KLHL33: variants seen among roughly 807,000 people sequenced by gnomAD.
KLHL33 encodes kelch like family member 33, also known as kelch-like protein 33.
A neutral mutation model predicts 60.8 loss-of-function variants in KLHL33; 46 were observed. The observed-to-expected ratio is 0.76, with a 90% CI of 0.60 to 0.97. KLHL33 has a LOEUF of 0.97. Ranked by LOEUF, KLHL33 falls within the 50% of genes least tolerant of loss-of-function variation. The pLI is 0.00. For missense variants in KLHL33, 1,055 were observed against 1,000.0 expected, an observed-to-expected ratio of 1.05 and a Z score of -0.74; for synonymous variants, 434 against 432.2, an observed-to-expected ratio of 1.00 and a Z score of -0.05.
chr14:20,431,678 G>C (rs1356689253), intron 2 of KLHL33, among the ~76,000 whole-genome samples: 1 of 152,250 alleles, frequency 6.6e-6, no homozygotes, highest in Non-Finnish European at 1.5e-5. Context: ...AATGAGCTGA[G>C]ACTGCGCCGC....
Position 20,427,565 on chromosome 14 carries a change from C to T in KLHL33, c.*1284G>A, listed in dbSNP as rs540568315. 6.6e-6 allele frequency: 1 copy of T among 152,344 alleles called. No homozygotes were observed. Among genetic ancestry groups the T allele is most frequent in the East Asian group, 1.9e-4 (1 of 5,180 alleles). The allele number at this position is 152,344 out of a possible 1,614,324, so 9.4% of individuals were successfully genotyped here. ...TTTAAGATCCAGTTCAAAATACACC[C>T]ATCGGATGACACCTTTCCTAACAGA... On this transcript the variant is annotated 3_prime_UTR_variant, in exon 5 of 5. Transcript: ENST00000636854.
intron 2 of KLHL33, 35 bp from the exon 3 acceptor site, chr14:20,430,754 A>G: frequency 7.0e-7 from 1 of 1,419,094 alleles, no homozygotes; most frequent in South Asian, 1.4e-5. Context: ...GGAGGACTCA[A>G]AGTATTGCAA....
intron 2 of KLHL33, among the ~76,000 whole-genome samples, chr14:20,432,959 A>AAAGAAAGAAAGAAAGAAAG (rs1880563514): frequency 6.6e-6 from 1 of 151,572 alleles, no homozygotes; most frequent in Non-Finnish European, 1.5e-5. Flanking sequence ...AGAAAGAAAG[A>AAAGAAAGAAAGAAAGAAAG]AAGAAAGAAA....
rs1340294042 is a variant in KLHL33, at chr14:20,429,922, G to GC, written c.1545dup (p.Gln516AlafsTer22). ...CCGGGGGCAGGCAGGGCAGGCAGCTGCCCCCACTCAACAGTTCGTACCAGT... is the reference window on the plus strand; with the variant it reads ...CCGGGGGCAGGCAGGGCAGGCAGCTGCCCCCCACTCAACAGTTCGTACCAGT... On this transcript the variant is annotated frameshift_variant, in exon 3 of 5. Coordinates refer to ENST00000636854, the MANE Select transcript of KLHL33 (RefSeq NM_001365790.2). LOFTEE classifies it high-confidence loss of function. The GC allele has an allele frequency of 6.4e-7, 1 of 1,551,752 alleles. No homozygotes were observed. Among genetic ancestry groups the GC allele is most frequent in the Non-Finnish European group, 8.7e-7 (1 of 1,147,022 alleles).
At chr14:20,429,714 C>T (rs1055015362) in intron 3 of KLHL33, 45 bp from the exon 4 acceptor site, 17 of 1,538,476 alleles carry the variant, frequency 1.1e-5, no homozygotes, top group African/African-American at 2.8e-5. Context: ...CTCTGGGCAT[C>T]CGTGGTTGGC....
chr14:20,435,267 A>G lies in KLHL33; in HGVS notation c.545T>C (p.Leu182Pro), dbSNP rs966619489. 8.1e-7 allele frequency: 1 copy of G among 1,234,420 alleles called. No individual in the cohort carries two copies. Among genetic ancestry groups the G allele is most frequent in the Non-Finnish European group, 1.0e-6 (1 of 988,204 alleles). The allele number at this position is 1,234,420 out of a possible 1,614,324, so 76.5% of individuals were successfully genotyped here. A position where few individuals can be genotyped will look rare whatever the true frequency, so the allele number is the denominator to read the frequency against. ...CGCTCCCAGCGCCTCTGCTGCGGCC[A>G]GCACATCCCCCTGCGAGGCGGGGCC... ...VLGPASQGDV[L>P]AAAEALGAPR... Residue 182 changes from leucine to proline, a missense_variant, in exon 2 of 5, where the codon CTG becomes CCG. Leu to Pro is a moderately conservative substitution (Grantham distance 98). Coordinates refer to ENST00000636854, the MANE Select transcript of KLHL33 (RefSeq NM_001365790.2).
intron 2 of KLHL33, 85 bp from the exon 3 acceptor site, chr14:20,430,804 G>T (rs929745014): frequency 1.2e-6 from 1 of 835,574 alleles, no homozygotes; most frequent in Non-Finnish European, 1.7e-6. Flanking sequence ...TCTAAGTTTG[G>T]CCAAACTCTA....
At position 20,430,388 on chromosome 14, in the gene KLHL33, G is replaced by C. The variant is rs75780368; in HGVS notation, c.1080C>G (p.His360Gln). The C allele has an allele frequency of 1.3e-6, 2 of 1,551,714 alleles. No homozygotes were observed. The highest frequency in any genetic ancestry group is 3.9e-5 in the Admixed American group (2 of 50,992). Reference sequence around the variant, plus strand: ...CAGCAGGCAGGTGGGTGAGGAGGTAGTGACGGGCTTTGCTCCAGAGCCTCT... The same window carrying C: ...CAGCAGGCAGGTGGGTGAGGAGGTACTGACGGGCTTTGCTCCAGAGCCTCT... ...GLERLWSKAR[H>Q]YLLTHLPAVA... Residue 360 changes from histidine to glutamine, a missense_variant, in exon 3 of 5, where the codon CAC becomes CAG. Transcript: ENST00000636854.
At chr14:20,431,221 A>AT (rs1330019986) in intron 2 of KLHL33, among the ~76,000 whole-genome samples, 1 of 152,150 alleles carries the variant, frequency 6.6e-6, no homozygotes, top group Non-Finnish European at 1.5e-5. Context: ...ATTCTGTTAG[A>AT]TTTTGCTGGG....
chr14:20,430,792 A>ACTCTAAGTTTGGCCAAC, intron 2 of KLHL33, 73 bp from the exon 3 acceptor site: 3 of 878,264 alleles, frequency 3.4e-6, no homozygotes, highest in Non-Finnish European at 3.0e-6. Flanking sequence ...CCAACTTGGT[A>ACTCTAAGTTTGGCCAAC]CTCTAAGTTT....
Position 20,435,111 on chromosome 14 carries a change from C to A in KLHL33, c.701G>T (p.Gly234Val), listed in dbSNP as rs747957239. The A allele has an allele frequency of 7.1e-5, 88 of 1,234,396 alleles. No homozygotes were observed. Among genetic ancestry groups the A allele is most frequent in the Middle Eastern group, 2.1e-4 (1 of 4,864 alleles). 76.5% of individuals were successfully genotyped at this position (1,234,396 alleles called of 1,614,324 possible). The change falls in exon 2 of 5, where the codon GGC becomes GTC. Residue 234 changes from glycine (G) to valine (V), a missense_variant. Transcript: ENST00000636854. ...CTCCAGCTTCAAGTCACACCCGACG[C>A]CCTCTCGGTAGAGGAGCTCGATTCC... is the stretch of plus-strand genomic sequence containing the variant. ...LRGIELLYRE[G>V]VGCDLKLEAG...
intron 4 of KLHL33, 25 bp from the exon 5 acceptor site, chr14:20,429,426 A>G (rs1323730705): frequency 6.5e-7 from 1 of 1,550,192 alleles, no homozygotes; most frequent in Non-Finnish European, 8.7e-7. Flanking sequence ...GACACAAGAT[A>G]AGGCAACTAG....
In KLHL33 at chr14:20,429,898, C is replaced by T. The variant is rs561784003; in HGVS notation, c.1570G>A (p.Gly524Arg). 15 of 1,551,908 alleles carry T rather than the reference C, an allele frequency of 9.7e-6. No homozygotes were observed. The highest frequency in any genetic ancestry group is 4.1e-5 in the African/African-American group (3 of 73,186). The change falls in exon 3 of 5, where the codon GGA becomes AGA. Residue 524 changes from glycine (G) to arginine (R), a missense_variant. By Grantham distance (125) the Gly-to-Arg change is moderately radical. Coordinates refer to ENST00000636854, the MANE Select transcript of KLHL33 (RefSeq NM_001365790.2). ...CTTGCAGCCCCATGCCGGAAGCGTC[C>T]GGGGGCAGGCAGGGCAGGCAGCTGC... ...WGQLPALPAP[G>R]RFRHGAASLA...
Position 20,435,495 on chromosome 14 carries a change from A to T in KLHL33, c.317T>A (p.Leu106Gln). The T allele has an allele frequency of 8.1e-7, 1 of 1,234,584 alleles. No individual in the cohort carries two copies. Among genetic ancestry groups the T allele is most frequent in the Non-Finnish European group, 1.0e-6 (1 of 988,324 alleles). 76.5% of individuals were successfully genotyped at this position (1,234,584 alleles called of 1,614,324 possible). A position where few individuals can be genotyped will look rare whatever the true frequency, so the allele number is the denominator to read the frequency against. ...PSQFFAEAQRLREQRLLLDEE... is the reference protein window; with the variant it reads ...PSQFFAEAQRQREQRLLLDEE... Reference sequence around the variant, plus strand: ...GTCCAGCAACAGTCTCTGCTCCCGCAGCCGCTGGGCCTCGGCGAAAAACTG... The same window carrying T: ...GTCCAGCAACAGTCTCTGCTCCCGCTGCCGCTGGGCCTCGGCGAAAAACTG... Residue 106 changes from leucine to glutamine, a missense_variant, in exon 2 of 5, where the codon CTG becomes CAG. Physicochemically the swap from Leu to Gln is moderately radical, Grantham distance 113. Transcript: ENST00000636854.
At position 20,429,858 on chromosome 14, in the gene KLHL33, T is replaced by G; in HGVS notation, c.1610A>C (p.Glu537Ala). 1 of 1,551,810 alleles carries G rather than the reference T, an allele frequency of 6.4e-7. No homozygotes were observed. The highest frequency in any genetic ancestry group is 8.7e-7 in the Non-Finnish European group (1 of 1,146,936). Residue 537 changes from glutamate (E) to alanine (A), a missense_variant, in exon 3 of 5, where the codon GAA (glutamate) becomes GCA (alanine). Physicochemically the swap from Glu to Ala is moderately radical, Grantham distance 107. Transcript: ENST00000636854. ...ATCTTGTCCCCCACACACATAGAGT[T>G]CACTTCCTGCCAGGCTTGCAGCCCC... ...RHGAASLAGS[E>A]LYVCGGQDFY...
intron 2 of KLHL33, among the ~76,000 whole-genome samples, chr14:20,434,076 G>A (rs892503765): frequency 6.6e-6 from 1 of 152,160 alleles, no homozygotes; most frequent in Non-Finnish European, 1.5e-5. Context: ...TGTTCCTTAT[G>A]TGCACCTGTA....
rs1486851019 is a variant in KLHL33, at chr14:20,430,222, C to T, written c.1246G>A (p.Glu416Lys). ...CGCAGCAGGGCCTTGGCCTCTGACT[C>T]CTGGGTCTCGGGGTTGGCAGCCAGC... ...CWLAANPETQ[E>K]SEAKALLRCV... The change falls in exon 3 of 5, where the codon GAG becomes AAG. Residue 416 changes from glutamate (E) to lysine (K), a missense_variant. Transcript: ENST00000636854. 4 of 1,551,466 alleles carry T rather than the reference C, an allele frequency of 2.6e-6. No homozygotes were observed. Among genetic ancestry groups the T allele is most frequent in the African/African-American group, 1.4e-5 (1 of 73,040 alleles).
intron 2 of KLHL33, among the ~76,000 whole-genome samples, chr14:20,432,529 G>C (rs1490106433): frequency 2.0e-5 from 3 of 151,856 alleles, no homozygotes; most frequent in African/African-American, 7.3e-5. Context: ...ATGCAACTGA[G>C]AATAGCATAG....
chr14:20,435,386 C>T lies in KLHL33; in HGVS notation c.426G>A (p.Leu142=), dbSNP rs1046348370. Residue 142 remains leucine, a synonymous_variant, in exon 2 of 5, where the codon CTG becomes CTA. Coordinates refer to ENST00000636854, the MANE Select transcript of KLHL33 (RefSeq NM_001365790.2). ...GGGGCCGCGGACCTCCGCCGCCCAG[C>T]AGCCTGTCTCGGAAGAGGCTGCTGA... ...AAISSLFRDR[L]LGGGGPRPPF... is the part of the protein sequence containing the mutation. 5.7e-6 allele frequency: 7 copies of T among 1,234,236 alleles called. No individual in the cohort carries two copies. Among genetic ancestry groups the T allele is most frequent in the South Asian group, 4.1e-5 (1 of 24,420 alleles). The allele number at this position is 1,234,236 out of a possible 1,614,324, so 76.5% of individuals were successfully genotyped here.
Sources: gnomAD v4.1 joint callset for allele counts (sites outside exome capture counted in the v4.1 genomes callset) on GRCh38, gnomAD v4.1.1 for gene constraint, MANE v1.5 for transcripts, NCBI Gene and HGNC (gene_info 2026-07-23, HGNC 2026-07-21) for gene names.